KCNJ10: variants seen among roughly 807,000 people sequenced by gnomAD.
The protein encoded by KCNJ10 is potassium inwardly rectifying channel subfamily J member 10.
KCNJ10 carries 9 observed loss-of-function variants against 22.2 expected under a neutral mutation model. That is an observed-to-expected ratio of 0.40 (90% CI 0.24 to 0.71). The LOEUF (loss-of-function observed/expected upper bound fraction) is 0.71. Among genes scored for constraint, KCNJ10 ranks in the 30% least tolerant of loss-of-function variants. KCNJ10 has a pLI of 0.35. For synonymous variants in KCNJ10, 184 were observed against 187.3 expected (o/e 0.98, Z 0.15); for missense variants, 337 against 482.7 (o/e 0.70, Z 2.83).
rs1648577729 is a variant in KCNJ10, at chr1:160,040,597, G to T, written c.*796C>A. On this transcript the variant is annotated 3_prime_UTR_variant, in exon 2 of 2. Coordinates refer to ENST00000644903, the MANE Select transcript of KCNJ10 (RefSeq NM_002241.5). Reference sequence around the variant, plus strand: ...ACACAGGGAAACAGATCTTCTCTGGGCTGCCTGGAAGATAGGTTTAAAGGT... The same window carrying T: ...ACACAGGGAAACAGATCTTCTCTGGTCTGCCTGGAAGATAGGTTTAAAGGT... 2.5e-6 allele frequency: 1 copy of T among 398,646 alleles called. No homozygotes were observed. The highest frequency in any genetic ancestry group is 4.4e-6 in the Non-Finnish European group (1 of 226,182). The allele number at this position is 398,646 out of a possible 1,614,324, so 24.7% of individuals were successfully genotyped here. A position where few individuals can be genotyped will look rare whatever the true frequency, so the allele number is the denominator to read the frequency against.
At chr1:160,059,945 C>T (rs889704719) in intron 1 of KCNJ10, among the ~76,000 whole-genome samples, 3 of 152,178 alleles carry the variant, frequency 2.0e-5, no homozygotes, top group Non-Finnish European at 4.4e-5. Flanking sequence ...CCTATTTGTA[C>T]CCTTAATGGA....
At chr1:160,048,350 T>C (rs1479758353) in intron 1 of KCNJ10, among the ~76,000 whole-genome samples, 1 of 150,566 alleles carries the variant, frequency 6.6e-6, no homozygotes. Context: ...TTTCAGAAGG[T>C]AAGAAAATAA....
chr1:160,066,363 G>A (rs542501398), intron 1 of KCNJ10, among the ~76,000 whole-genome samples: 1 of 152,132 alleles, frequency 6.6e-6, no homozygotes, highest in South Asian at 2.1e-4. Flanking sequence ...ACTCCAGAAG[G>A]GTGGGAAGAA....
At chr1:160,058,029 C>T (rs767097093) in intron 1 of KCNJ10, among the ~76,000 whole-genome samples, 3 of 152,136 alleles carry the variant, frequency 2.0e-5, no homozygotes, top group Non-Finnish European at 4.4e-5. Flanking sequence ...CCAGGAAGGA[C>T]CATCCCCATC....
At position 160,040,136 on chromosome 1, in the gene KCNJ10, C is replaced by T. The variant is rs1481711058; in HGVS notation, c.*1257G>A. ...TAATTTCATTTCCTTCCAGCATTGCCTAATGAAATAGCTGGCACTTTTCAG... is the reference window on the plus strand; with the variant it reads ...TAATTTCATTTCCTTCCAGCATTGCTTAATGAAATAGCTGGCACTTTTCAG... On this transcript the variant is annotated 3_prime_UTR_variant, in exon 2 of 2. Coordinates refer to ENST00000644903, the MANE Select transcript of KCNJ10 (RefSeq NM_002241.5). 1 of 178,158 alleles carries T rather than the reference C, an allele frequency of 5.6e-6. No homozygotes were observed. Among genetic ancestry groups the T allele is most frequent in the Non-Finnish European group, 1.2e-5 (1 of 85,652 alleles). The allele number at this position is 178,158 out of a possible 1,614,324, so 11.0% of individuals were successfully genotyped here.
At position 160,067,544 on chromosome 1, in the gene KCNJ10, C is replaced by G. The variant is rs566257040; in HGVS notation, c.-1+2478G>C. Reference sequence around the variant, plus strand: ...GCCTTGGCTGATTCCTTCTCTGCCCCCTTCCAGGGCCCCACTGCTATCCTG... The same window carrying G: ...GCCTTGGCTGATTCCTTCTCTGCCCGCTTCCAGGGCCCCACTGCTATCCTG... On this transcript the variant is annotated intron_variant, in intron 1 of 1. Transcript: ENST00000644903. 3.3e-5 allele frequency among the ~76,000 whole-genome samples: 5 copies of G among 152,342 alleles called. No individual in the cohort carries two copies. The East Asian group carries it at 7.7e-4, about 23-fold the overall frequency.
At chr1:160,045,740 A>T (rs2101926662) in intron 1 of KCNJ10, among the ~76,000 whole-genome samples, 1 of 152,336 alleles carries the variant, frequency 6.6e-6, no homozygotes, top group African/African-American at 2.4e-5. Flanking sequence ...ACCAGACCAC[A>T]TGAGAAATGA....
intron 1 of KCNJ10, among the ~76,000 whole-genome samples, chr1:160,056,550 C>A (rs1445999002): frequency 6.6e-6 from 1 of 152,328 alleles, no homozygotes; most frequent in African/African-American, 2.4e-5. Flanking sequence ...AAGGCCCTTC[C>A]CCAGTGCTCT....
intron 1 of KCNJ10, among the ~76,000 whole-genome samples, chr1:160,052,391 C>T (rs980397193): frequency 1.3e-5 from 2 of 152,222 alleles, no homozygotes; most frequent in African/African-American, 4.8e-5. Flanking sequence ...GTTCTTCTTC[C>T]AACCTTGAGG....
intron 1 of KCNJ10, among the ~76,000 whole-genome samples, chr1:160,049,695 A>AG (rs1648849175): frequency 4.1e-5 from 5 of 120,540 alleles, no homozygotes; most frequent in African/African-American, 1.6e-4. Context: ...ATATATATAT[A>AG]TATATATATA....
At chr1:160,064,699 C>T (rs1649275967) in intron 1 of KCNJ10, 1 of 152,260 alleles carries the variant, frequency 6.6e-6, no homozygotes, top group Non-Finnish European at 1.5e-5. Flanking sequence ...CACTCACCCT[C>T]TCCTCTTACC....
chr1:160,056,328 T>C (rs1189084308), intron 1 of KCNJ10, among the ~76,000 whole-genome samples: 1 of 152,212 alleles, frequency 6.6e-6, no homozygotes, highest in African/African-American at 2.4e-5. Context: ...GCAAAATCCT[T>C]CAATGTCTGA....
In KCNJ10 at chr1:160,041,363, C is replaced by A. The variant is rs770602948; in HGVS notation, c.*30G>T. 3.1e-6 allele frequency: 5 copies of A among 1,603,788 alleles called. No homozygotes were observed. Among genetic ancestry groups the A allele is most frequent in the Non-Finnish European group, 3.4e-6 (4 of 1,174,090 alleles). On this transcript the variant is annotated 3_prime_UTR_variant, in exon 2 of 2. Coordinates refer to ENST00000644903, the MANE Select transcript of KCNJ10 (RefSeq NM_002241.5). This position sits in a 1 kb window ranked among gnomAD's most constrained non-coding sequence, Gnocchi z 4.4. ...GGGCATTGGAAGAGAGGAAAAGAGA[C>A]CAGAGGAATGGGGGAGTGGGAACAG...
chr1:160,049,913 G>A (rs2101928936), intron 1 of KCNJ10, among the ~76,000 whole-genome samples: 1 of 151,140 alleles, frequency 6.6e-6, no homozygotes, highest in South Asian at 2.1e-4. Flanking sequence ...CTTCACTCTG[G>A]TCCAGCACTT....
chr1:160,048,735 C>T (rs1648809465), intron 1 of KCNJ10, among the ~76,000 whole-genome samples: 1 of 152,222 alleles, frequency 6.6e-6, no homozygotes, highest in Admixed American at 6.5e-5. Context: ...ACACTCAAAG[C>T]CAGGATCATC....
chr1:160,043,272 A>ACACACACACACACACACAC (rs1553235192), intron 1 of KCNJ10, among the ~76,000 whole-genome samples: 4 of 132,644 alleles, frequency 3.0e-5, no homozygotes, highest in African/African-American at 1.2e-4. Flanking sequence ...TCCCCCTTAA[A>ACACACACACACACACACAC]ACACACACAC....
rs57790887 is a variant in KCNJ10 at position 160,049,675 on chromosome 1, T to TTATATATA, written c.1-7151_1-7144dup. ...AAGAAGGATCCAGCATTTTATTTAT[T>TTATATATA]TATATATATATATATATATATATAT... On this transcript the variant is annotated intron_variant, in intron 1 of 1. Transcript: ENST00000644903. Among the ~76,000 whole-genome samples the TTATATATA allele has an allele frequency of 1.4e-3, 67 of 47,098 alleles. 3 individuals carry two copies. Among genetic ancestry groups the TTATATATA allele is most frequent in the South Asian group, 1.8e-3 (2 of 1,130 alleles). 30.9% of individuals were successfully genotyped at this position (47,098 alleles called of 152,430 possible).
intron 1 of KCNJ10, among the ~76,000 whole-genome samples, chr1:160,045,703 A>C (rs1648728436): frequency 6.6e-6 from 1 of 152,076 alleles, no homozygotes; most frequent in South Asian, 2.1e-4. Context: ...AGCATCAAGG[A>C]ACACTCAGGA....
At chr1:160,066,993 C>T (rs868239386) in intron 1 of KCNJ10, among the ~76,000 whole-genome samples, 21 of 152,156 alleles carry the variant, frequency 1.4e-4, no homozygotes, top group African/African-American at 5.1e-4. Context: ...CAATCCTTTC[C>T]CCAGGTGTTG....
Sources: gnomAD v4.1 joint callset for allele counts (sites outside exome capture counted in the v4.1 genomes callset) on GRCh38, gnomAD v4.1.1 for gene constraint, Gnocchi (gnomAD v3.1) non-coding constraint, MANE v1.5 for transcripts, NCBI Gene and HGNC (gene_info 2026-07-23, HGNC 2026-07-21) for gene names.